INSL6: variants seen among roughly 807,000 people sequenced by gnomAD.
INSL6 encodes insulin like 6.
In INSL6, 16 loss-of-function variants were observed where a neutral mutation model predicts 9.4. The observed-to-expected ratio is 1.70, with a 90% confidence interval of 1.15 to 2.59. The LOEUF is 2.59. Ranked by LOEUF, INSL6 falls within the 30% of genes most tolerant of loss-of-function variation. The probability of loss-of-function intolerance (pLI) is 0.00; values close to 1 mark genes in which losing one functional copy is unlikely to be tolerated. For synonymous variants in INSL6, 154 were observed against 96.9 expected (o/e 1.59, Z -3.46); for missense variants, 391 against 257.3 (o/e 1.52, Z -3.56).
downstream of INSL6, among the ~76,000 whole-genome samples, chr9:5,163,002 A>T (rs187809277): frequency 6.6e-6 from 1 of 152,312 alleles, no homozygotes; most frequent in African/African-American, 2.4e-5. Context: ...TAGTATTGTA[A>T]CATCTATATT....
At chr9:5,122,011 A>G (rs1564026133), downstream of INSL6, among the ~76,000 whole-genome samples, 2 of 152,314 alleles carry the variant, frequency 1.3e-5, no homozygotes, top group South Asian at 2.1e-4. Flanking sequence ...GACTAAATGT[A>G]AAAAGAATAT....
chr9:5,112,194 C>T, the INSL6 span: 3 of 269,002 alleles, frequency 1.1e-5, no homozygotes, highest in Admixed American at 4.7e-5. Flanking sequence ...CCTTGGGCTT[C>T]GCCGGCCCCA....
chr9:5,080,678 C>T, the INSL6 span: 3 of 1,570,850 alleles, frequency 1.9e-6, no homozygotes, highest in South Asian at 1.2e-5. Context: ...AGTTTGTTTA[C>T]TCCAGGTATG....
At chr9:5,063,559 T>G in the INSL6 span, among the ~76,000 whole-genome samples, 2 of 152,192 alleles carry the variant, frequency 1.3e-5, no homozygotes, top group Non-Finnish European at 2.9e-5. Context: ...GTACAGCCTC[T>G]GGTATTTGTT....
chr9:5,110,688 T>G, the INSL6 span: 1 of 322,010 alleles, frequency 3.1e-6, no homozygotes, highest in Non-Finnish European at 6.1e-6. Flanking sequence ...CCTGAGCCCT[T>G]TCTATTACTC....
At chr9:5,160,011 T>TA (rs916380049), downstream of INSL6, among the ~76,000 whole-genome samples, 10 of 151,470 alleles carry the variant, frequency 6.6e-5, no homozygotes, top group African/African-American at 2.2e-4. Flanking sequence ...CCCATCTCTA[T>TA]AAAAAAATAC....
the INSL6 span, chr9:5,108,345 C>G: frequency 6.6e-6 from 1 of 152,068 alleles, no homozygotes; most frequent in African/African-American, 2.4e-5. Flanking sequence ...CCAACCAGAA[C>G]GCCTCAATGC....
At chr9:5,104,708 C>T in the INSL6 span, among the ~76,000 whole-genome samples, 1 of 152,210 alleles carries the variant, frequency 6.6e-6, no homozygotes, top group East Asian at 1.9e-4. Context: ...AGCTTATCAA[C>T]CACGATCAAG....
chr9:5,028,304 T>C, the INSL6 span, among the ~76,000 whole-genome samples: 1 of 152,218 alleles, frequency 6.6e-6, no homozygotes, highest in Non-Finnish European at 1.5e-5. Flanking sequence ...ACAGGAATCT[T>C]TTTTTCTGAG....
At chr9:5,069,589 C>G in the INSL6 span, among the ~76,000 whole-genome samples, 1 of 151,838 alleles carries the variant, frequency 6.6e-6, no homozygotes, top group African/African-American at 2.4e-5. Context: ...AAATAATGAG[C>G]CTTACTATTA....
the INSL6 span, chr9:5,110,841 T>G: frequency 4.3e-6 from 2 of 460,994 alleles, no homozygotes; most frequent in South Asian, 3.6e-5. Context: ...TCGGGGAAGG[T>G]GGGGGGGACG....
Position 5,164,167 on chromosome 9 carries a change from C to T in INSL6, c.388G>A (p.Glu130Lys), listed in dbSNP as rs780234860. 6 of 1,607,280 alleles carry T rather than the reference C, an allele frequency of 3.7e-6. No individual in the cohort carries two copies. The East Asian group carries it at 6.7e-5, about 18-fold the overall frequency. ...TTGATATTATGTGATGAAGAAAATTCTCTTGTCTTACCAAGGGGTGAATAT... is the reference window on the plus strand; with the variant it reads ...TTGATATTATGTGATGAAGAAAATTTTCTTGTCTTACCAAGGGGTGAATAT... ...KGYSPLGKTR[E>K]FSSSHNINVY... is the part of the protein sequence containing the mutation. Residue 130 changes from glutamate (E) to lysine (K), a missense_variant, in exon 2 of 2, where the codon GAA becomes AAA. By Grantham distance (56) the Glu-to-Lys change is moderately conservative. Transcript: ENST00000381641.
At chr9:5,010,933 T>C in the INSL6 span, among the ~76,000 whole-genome samples, 3 of 152,310 alleles carry the variant, frequency 2.0e-5, no homozygotes, top group East Asian at 5.8e-4. Flanking sequence ...TTGACAGCTT[T>C]CCCCCTCTCC....
downstream of INSL6, chr9:5,122,974 G>T: frequency 1.4e-6 from 2 of 1,403,450 alleles, no homozygotes; most frequent in Non-Finnish European, 2.0e-6. Flanking sequence ...TCAAGTAACT[G>T]TCTTTTAAAT....
chr9:5,059,424 G>A, the INSL6 span, among the ~76,000 whole-genome samples: 1 of 152,144 alleles, frequency 6.6e-6, no homozygotes, highest in African/African-American at 2.4e-5. Context: ...GGGTAGTATT[G>A]AATTGTTTGA....
rs758698177 is a variant in INSL6 at position 5,185,615 on chromosome 9, A to G, written c.-13T>C. On this transcript the variant is annotated 5_prime_UTR_variant, in exon 1 of 2. Coordinates refer to ENST00000381641, the MANE Select transcript of INSL6 (RefSeq NM_007179.3). ...GGAGCCGCGGCATCCCTGTGACCCC[A>G]GGCTAGTCCTCCGCGTTGTGCAATG... The G allele has an allele frequency of 2.2e-5, 36 of 1,607,234 alleles. No homozygotes were observed. The highest frequency in any genetic ancestry group is 3.0e-5 in the Non-Finnish European group (35 of 1,177,942).
the INSL6 span, among the ~76,000 whole-genome samples, chr9:5,027,744 C>A: frequency 6.6e-6 from 1 of 152,230 alleles, no homozygotes; most frequent in Non-Finnish European, 1.5e-5. Context: ...ATATTCACAG[C>A]ATCTTCACCA....
At chr9:4,999,390 C>G in the INSL6 span, among the ~76,000 whole-genome samples, 8 of 152,082 alleles carry the variant, frequency 5.3e-5, no homozygotes, top group African/African-American at 1.9e-4. Flanking sequence ...GACCAAATGT[C>G]TCTTCATATA....
chr9:5,160,489 C>T (rs1455106204), downstream of INSL6, among the ~76,000 whole-genome samples: 1 of 152,094 alleles, frequency 6.6e-6, no homozygotes, highest in Non-Finnish European at 1.5e-5. Context: ...GAAGTGCCTA[C>T]ATCAGAAAGG....
Sources: allele counts gnomAD v4.1 joint callset (sites outside exome capture counted in the v4.1 genomes callset), GRCh38; gene constraint gnomAD v4.1.1; transcripts MANE v1.5; gene names NCBI Gene and HGNC (gene_info 2026-07-23, HGNC 2026-07-21).